Variants in ADGRB2 observed in about 807,000 individuals in gnomAD.
The protein encoded by ADGRB2 is brain-specific angiogenesis inhibitor 2.
In ADGRB2, 47 loss-of-function variants were observed where a neutral mutation model predicts 178.7. The observed-to-expected ratio is 0.26, with a 90% CI of 0.21 to 0.34. The LOEUF (loss-of-function observed/expected upper bound fraction) is 0.34. ADGRB2 is among the 10% of genes least tolerant of loss of function. ADGRB2 has a pLI of 1.00. For synonymous variants in ADGRB2, 870 were observed against 912.4 expected (o/e 0.95, Z 0.84); for missense variants, 1,584 against 2,180.8 (o/e 0.73, Z 5.45).
rs761037141 is a variant in ADGRB2, at chr1:31,739,603, C to T, written c.2200G>A (p.Val734Met). ...ATGGGGAACGTGATGTCACTGGACA[C>T]AGCTGAGACGGGCTCTCGCTGAATG... ...ISIQREPVSA[V>M]SSDITFPMRG... Residue 734 changes from valine to methionine, a missense_variant, in exon 15 of 33, where the codon GTG (valine) becomes ATG (methionine). Physicochemically the swap from Val to Met is conservative, Grantham distance 21. This residue lies in a region of ADGRB2 where 865 missense variants were observed against 1,192.8 expected (regional missense o/e 0.73). Coordinates refer to ENST00000373658, the MANE Select transcript of ADGRB2 (RefSeq NM_001364857.2). 1 of 1,602,118 alleles carries T rather than the reference C, an allele frequency of 6.2e-7. No individual in the cohort carries two copies. The highest frequency in any genetic ancestry group is 8.5e-7 in the Non-Finnish European group (1 of 1,173,176).
intron 21 of ADGRB2, 70 bp from the exon 22 acceptor site, chr1:31,736,460 C>T (rs867616959): frequency 6.2e-7 from 1 of 1,605,440 alleles, no homozygotes; most frequent in Non-Finnish European, 8.5e-7. Context: ...CCCAGACTCC[C>T]ATCCCAGCTG....
At chr1:31,763,651 G>T (rs1375989197) in intron 1 of ADGRB2, among the ~76,000 whole-genome samples, 2 of 151,306 alleles carry the variant, frequency 1.3e-5, no homozygotes, top group African/African-American at 4.9e-5. Flanking sequence ...TGGGGGAGGG[G>T]GGGGGCCGAG....
chr1:31,743,026 G>A (rs1646065377), intron 6 of ADGRB2, 24 bp from the exon 7 acceptor site: 5 of 1,395,532 alleles, frequency 3.6e-6, no homozygotes, highest in Non-Finnish European at 4.7e-6. Context: ...CGTGGCCGGT[G>A]GCTGGGCGGC....
rs1221050659 is a variant in ADGRB2 at position 31,764,119 on chromosome 1, C to T, written c.-426G>A. 3.3e-6 allele frequency: 3 copies of T among 916,260 alleles called. No individual in the cohort carries two copies. The East Asian group carries it at 3.7e-4, about 112-fold the overall frequency. The allele number at this position is 916,260 out of a possible 1,614,324, so 56.8% of individuals were successfully genotyped here. ...GGGCGCGGGCTCCTGCCGCCGCCGC[C>T]GCCGCCGCCTCCTTGCCGCGCCGCC... On this transcript the variant is annotated 5_prime_UTR_variant, in exon 1 of 33. Transcript: ENST00000373658. This position sits in a 1 kb window ranked among gnomAD's most constrained non-coding sequence, Gnocchi z 7.3.
Position 31,742,971 on chromosome 1 carries a change from C to G in ADGRB2, c.1119G>C (p.Trp373Cys). The G allele has an allele frequency of 6.5e-7, 1 of 1,530,430 alleles. No individual in the cohort carries two copies. Among genetic ancestry groups the G allele is most frequent in the Non-Finnish European group, 8.8e-7 (1 of 1,137,744 alleles). The allele number at this position is 1,530,430 out of a possible 1,614,324, so 94.8% of individuals were successfully genotyped here. Reference protein sequence around the residue: ...VHGVWEEWGSWSLCSRSCGRG... With the variant: ...VHGVWEEWGSCSLCSRSCGRG... ...GCCCGCAGCTGCGGGAGCACAGGCT[C>G]CAGGACCCCCACTCCTCCCACACGC... is the stretch of plus-strand genomic sequence containing the variant. Residue 373 changes from tryptophan to cysteine, a missense_variant, in exon 7 of 33, where the codon TGG (tryptophan) becomes TGC (cysteine). Coordinates refer to ENST00000373658, the MANE Select transcript of ADGRB2 (RefSeq NM_001364857.2).
At position 31,735,806 on chromosome 1, in the gene ADGRB2, A is replaced by G. The variant is rs1386868905; in HGVS notation, c.3267+21T>C. The G allele has an allele frequency of 3.1e-6, 5 of 1,607,190 alleles. No homozygotes were observed. The South Asian group carries it at 4.4e-5, about 14-fold the overall frequency. On this transcript the variant is annotated intron_variant, in intron 23 of 32. Coordinates refer to ENST00000373658, the MANE Select transcript of ADGRB2 (RefSeq NM_001364857.2). The surrounding 1 kb of genome is among the most constrained non-coding windows in gnomAD (Gnocchi z 6.0). ...ACCCTCTGGGGCCATGCCCCTTCCA[A>G]GATGCTGAACGGGCACATACCAGGA...
rs367747209 is a variant in ADGRB2 at position 31,755,859 on chromosome 1, C to T, written c.838+140G>A. ...TCTCACTGCCATGCATTTTGGTGAC[C>T]GCAACATTTGGACAAGGCTCAGCAG... is the stretch of plus-strand genomic sequence containing the variant. On this transcript the variant is annotated intron_variant, in intron 4 of 32. Transcript: ENST00000373658. The surrounding 1 kb of genome is among the most constrained non-coding windows in gnomAD (Gnocchi z 5.1). The T allele has an allele frequency of 9.1e-5, 111 of 1,220,854 alleles. No individual in the cohort carries two copies. Among genetic ancestry groups the T allele is most frequent in the African/African-American group, 5.2e-4 (34 of 65,800 alleles). The allele number at this position is 1,220,854 out of a possible 1,614,324, so 75.6% of individuals were successfully genotyped here.
Position 31,735,463 on chromosome 1 carries a change from C to T in ADGRB2, c.3353+117G>A, listed in dbSNP as rs553591361. ...GCCCACCTTGCCTGCAACCTTGATG[C>T]ACCAAGGTTGGGGAGCCCCGGTCGC... On this transcript the variant is annotated intron_variant, in intron 24 of 32. Coordinates refer to ENST00000373658, the MANE Select transcript of ADGRB2 (RefSeq NM_001364857.2). The surrounding 1 kb of genome is among the most constrained non-coding windows in gnomAD (Gnocchi z 6.0). The T allele has an allele frequency of 7.2e-7, 1 of 1,379,494 alleles. No homozygotes were observed. The highest frequency in any genetic ancestry group is 1.2e-5 in the South Asian group (1 of 81,228). The allele number at this position is 1,379,494 out of a possible 1,614,324, so 85.5% of individuals were successfully genotyped here. A position where few individuals can be genotyped will look rare whatever the true frequency, so the allele number is the denominator to read the frequency against.
Position 31,744,821 on chromosome 1 carries a change from G to A in ADGRB2, c.839-90C>T, listed in dbSNP as rs1247972094. The A allele has an allele frequency of 2.1e-5, 27 of 1,296,432 alleles. No individual in the cohort carries two copies. The highest frequency in any genetic ancestry group is 1.9e-4 in the Middle Eastern group (1 of 5,364). 80.3% of individuals were successfully genotyped at this position (1,296,432 alleles called of 1,614,324 possible). A position where few individuals can be genotyped will look rare whatever the true frequency, so the allele number is the denominator to read the frequency against. On this transcript the variant is annotated intron_variant, in intron 4 of 32. Transcript: ENST00000373658. This position sits in a 1 kb window ranked among gnomAD's most constrained non-coding sequence, Gnocchi z 6.7. ...GTGAAGGCAGCCTTCCTTGCCCTCC[G>A]CCTGAGGGCCTGGAACCAACTGCAT...
rs1374331361 is a variant in ADGRB2 at position 31,756,702 on chromosome 1, C to T, written c.135G>A (p.Ser45=). ...PAPSACSALA[S]GVLYGAFSLQ... is the part of the protein sequence containing the mutation. ...GCGAGAAGGCCCCGTAGAGCACACC[C>T]GAGGCCAGGGCAGAGCAGGCACTGG... The change falls in exon 4 of 33, where the codon TCG becomes TCA. Residue 45 remains serine, a synonymous_variant. Transcript: ENST00000373658. This position sits in a 1 kb window ranked among gnomAD's most constrained non-coding sequence, Gnocchi z 8.5. The T allele has an allele frequency of 2.5e-6, 4 of 1,603,962 alleles. No individual in the cohort carries two copies. The highest frequency in any genetic ancestry group is 1.7e-5 in the Admixed American group (1 of 58,390).
At chr1:31,750,909 T>C (rs1363891959) in intron 4 of ADGRB2, among the ~76,000 whole-genome samples, 1 of 152,004 alleles carries the variant, frequency 6.6e-6, no homozygotes, top group African/African-American at 2.4e-5. Context: ...CTCCCCAGGC[T>C]GCTGACCTAT....
intron 2 of ADGRB2, 22 bp downstream of exon 2, chr1:31,757,360 G>A: frequency 1.8e-6 from 2 of 1,093,292 alleles, no homozygotes; most frequent in Non-Finnish European, 2.8e-6. Flanking sequence ...GTTATTCCTG[G>A]AACAATGTCA....
chr1:31,732,459 G>A (rs1006270096), intron 27 of ADGRB2, 58 bp downstream of exon 27: 6 of 1,576,582 alleles, frequency 3.8e-6, no homozygotes, highest in Non-Finnish European at 5.2e-6. Context: ...TAGGGCAGGA[G>A]GATTGGGGTG....
At chr1:31,751,477 C>T (rs897580312) in intron 4 of ADGRB2, among the ~76,000 whole-genome samples, 3 of 152,196 alleles carry the variant, frequency 2.0e-5, no homozygotes, top group Non-Finnish European at 2.9e-5. Context: ...TTTAATCCTT[C>T]CAACTGCATG....
chr1:31,727,506 TG>T lies in ADGRB2; in HGVS notation c.4671del (p.Lys1558SerfsTer6), dbSNP rs768076337. The T allele has an allele frequency of 4.4e-6, 7 of 1,595,892 alleles. No individual in the cohort carries two copies. Among genetic ancestry groups the T allele is most frequent in the African/African-American group, 2.7e-5 (2 of 73,356 alleles). ...FKSMTLGSLP[P>X]KPRERLTLHR... ...TGCAGAGTCAGCCGTTCTCGGGGCT[TG>T]GGGGGCAGCGAGCCCAGTGTCATAG... On this transcript the variant is annotated frameshift_variant, in exon 33 of 33. Coordinates refer to ENST00000373658, the MANE Select transcript of ADGRB2 (RefSeq NM_001364857.2). LOFTEE classifies it high-confidence loss of function. The surrounding 1 kb of genome is among the most constrained non-coding windows in gnomAD (Gnocchi z 4.4).
chr1:31,740,293 C>A lies in ADGRB2; in HGVS notation c.1989+54G>T, dbSNP rs1569881461. The A allele has an allele frequency of 1.2e-6, 2 of 1,604,578 alleles. No individual in the cohort carries two copies. The highest frequency in any genetic ancestry group is 4.5e-5 in the East Asian group (2 of 44,742). ...AGACTCTGCCTAGGGGCCTGGCCTCCCGCTTCAGTTTGGGCCTTCTCCACC... is the reference window on the plus strand; with the variant it reads ...AGACTCTGCCTAGGGGCCTGGCCTCACGCTTCAGTTTGGGCCTTCTCCACC... On this transcript the variant is annotated intron_variant, in intron 12 of 32. Coordinates refer to ENST00000373658, the MANE Select transcript of ADGRB2 (RefSeq NM_001364857.2). The surrounding 1 kb of genome is among the most constrained non-coding windows in gnomAD (Gnocchi z 5.9).
Position 31,763,940 on chromosome 1 carries a change from C to G in ADGRB2, c.-247G>C, listed in dbSNP as rs1420175952. ...GGCGCTGGCGGGGGCGGCCACGGGG[C>G]GCAAGTTTGCCATCCCTAAGTCGGG... On this transcript the variant is annotated 5_prime_UTR_variant, in exon 1 of 33. Transcript: ENST00000373658. 1 of 985,248 alleles carries G rather than the reference C, an allele frequency of 1.0e-6. No individual in the cohort carries two copies. Among genetic ancestry groups the G allele is most frequent in the Non-Finnish European group, 1.2e-6 (1 of 830,026 alleles). The allele number at this position is 985,248 out of a possible 1,614,324, so 61.0% of individuals were successfully genotyped here. A position where few individuals can be genotyped will look rare whatever the true frequency, so the allele number is the denominator to read the frequency against.
chr1:31,729,227 A>G (rs896315606), intron 29 of ADGRB2, among the ~76,000 whole-genome samples: 1 of 152,160 alleles, frequency 6.6e-6, no homozygotes, highest in African/African-American at 2.4e-5. Context: ...AAATGTCAGC[A>G]CAGGGAGACC....
intron 14 of ADGRB2, 91 bp from the exon 15 acceptor site, chr1:31,739,726 G>A (rs1297228711): frequency 1.2e-5 from 17 of 1,417,372 alleles, no homozygotes; most frequent in East Asian, 4.7e-5. Flanking sequence ...GGGGAAACAC[G>A]TACCAGGAAA....
Sources: allele counts gnomAD v4.1 joint callset (sites outside exome capture counted in the v4.1 genomes callset), GRCh38; gene constraint gnomAD v4.1.1; regional missense constraint gnomAD v4.1.1; non-coding constraint Gnocchi (gnomAD v3.1); transcripts MANE v1.5; gene names NCBI Gene and HGNC (gene_info 2026-07-23, HGNC 2026-07-21).